ABCF1: variants seen among roughly 807,000 people sequenced by gnomAD.
ABCF1 encodes ATP-binding cassette sub-family F member 1.
ABCF1 carries 73 observed loss-of-function variants against 126.3 expected under a neutral mutation model. That is an observed-to-expected ratio of 0.58 (90% CI 0.48 to 0.70). The LOEUF (loss-of-function observed/expected upper bound fraction) is 0.70. Ranked by LOEUF, ABCF1 falls within the 30% of genes least tolerant of loss-of-function variation. The probability of loss-of-function intolerance (pLI) is 0.00; values close to 1 mark genes in which losing one functional copy is unlikely to be tolerated. For missense variants in ABCF1, 786 were observed against 1,057.5 expected, an observed-to-expected ratio of 0.74 and a Z score of 3.56; for synonymous variants, 345 against 396.4, an observed-to-expected ratio of 0.87 and a Z score of 1.54.
chr6:30,590,485 CCT>C, intron 24 of ABCF1, 48 bp from the exon 25 acceptor site: 1 of 1,584,726 alleles, frequency 6.3e-7, no homozygotes, highest in East Asian at 2.2e-5. Flanking sequence ...TTCTGATTCC[CCT>C]CTTTCTCCTT....
Position 30,590,515 on chromosome 6 carries a change from GT to G in ABCF1, c.2372-18del, listed in dbSNP as rs766476484. ...TTCTCCTTTCTTCCTGCCCTCTGTT[GT>G]TGCTATCTTTCTTCAAAGCTGTGAT... On this transcript the variant is annotated intron_variant, in intron 24 of 24. Coordinates refer to ENST00000326195, the MANE Select transcript of ABCF1 (RefSeq NM_001025091.2). 6.2e-7 allele frequency: 1 copy of G among 1,603,594 alleles called. No individual in the cohort carries two copies. Among genetic ancestry groups the G allele is most frequent in the African/African-American group, 1.3e-5 (1 of 74,658 alleles).
At chr6:30,579,136 C>G (rs1801669731) in intron 6 of ABCF1, among the ~76,000 whole-genome samples, 1 of 152,190 alleles carries the variant, frequency 6.6e-6, no homozygotes, top group Non-Finnish European at 1.5e-5. Context: ...GCGTGTGCAT[C>G]TTAGTCCATG....
rs1341822231 is a variant in ABCF1 at position 30,584,220 on chromosome 6, C to G, written c.1131C>G (p.Val377=). 8.7e-6 allele frequency: 14 copies of G among 1,612,694 alleles called. No homozygotes were observed. The highest frequency in any genetic ancestry group is 1.2e-5 in the Non-Finnish European group (14 of 1,179,976). The change falls in exon 13 of 25, where the codon GTC becomes GTG. Residue 377 remains valine (V), a synonymous_variant. Transcript: ENST00000326195. The surrounding 1 kb of genome is among the most constrained non-coding windows in gnomAD (Gnocchi z 4.6). ...QEVVADETPA[V]QAVLRADTKR... The stretch of plus-strand genomic sequence containing the variant: ...TGGTAGCAGATGAGACACCAGCAGT[C>G]CAGGCTGTTCTTCGAGCTGACACCA...
intron 1 of ABCF1, among the ~76,000 whole-genome samples, chr6:30,572,032 G>A (rs1801279065): frequency 6.6e-6 from 1 of 152,110 alleles, no homozygotes; most frequent in Non-Finnish European, 1.5e-5. Flanking sequence ...TCACTCAACT[G>A]GAGCAAGAGT....
rs1373808926 is a variant in ABCF1, at chr6:30,578,124, G to T, written c.265G>T (p.Asp89Tyr). 1.2e-6 allele frequency: 2 copies of T among 1,614,170 alleles called. No homozygotes were observed. The highest frequency in any genetic ancestry group is 1.7e-6 in the Non-Finnish European group (2 of 1,180,036). Residue 89 changes from aspartate (D) to tyrosine (Y), a missense_variant, in exon 4 of 25, where the codon GAT becomes TAT. Transcript: ENST00000326195. Reference sequence around the variant, plus strand: ...AAAAGGCAGGCGGAAGAAGGATGTGGATGATGATGGAGAAGAGAAAGAGCT... The same window carrying T: ...AAAAGGCAGGCGGAAGAAGGATGTGTATGATGATGGAGAAGAGAAAGAGCT... ...TRKGRRKKDV[D>Y]DDGEEKELME...
chr6:30,590,377 T>G lies in ABCF1; in HGVS notation c.2370T>G (p.Gly790=). 1 of 1,606,994 alleles carries G rather than the reference T, an allele frequency of 6.2e-7. No homozygotes were observed. Among genetic ancestry groups the G allele is most frequent in the Non-Finnish European group, 8.5e-7 (1 of 1,176,528 alleles). The change falls in exon 24 of 25, where the codon GGT becomes GGG. Residue 790 remains glycine, a splice_region_variant and synonymous_variant. Transcript: ENST00000326195. ...ALGEAINEYK[G]AVIVVSHDAR... ...GGGAGGCCATCAATGAATACAAGGG[T>G]GGTAAGTCAGCTGAGAGTGTGCCCT...
chr6:30,571,636 A>G, intron 1 of ABCF1, 76 bp downstream of exon 1: 2 of 1,498,832 alleles, frequency 1.3e-6, no homozygotes, highest in East Asian at 2.4e-5. Flanking sequence ...AGAGAGGGTC[A>G]TGGGGCACGA....
chr6:30,575,599 G>T (rs2127404303), intron 1 of ABCF1, among the ~76,000 whole-genome samples: 1 of 151,924 alleles, frequency 6.6e-6, no homozygotes, highest in Non-Finnish European at 1.5e-5. Context: ...GCTTTACTGG[G>T]AACACAGGCT....
At chr6:30,580,655 G>A in intron 8 of ABCF1, 136 bp downstream of exon 8, 1 of 555,908 alleles carries the variant, frequency 1.8e-6, no homozygotes, top group Non-Finnish European at 3.0e-6. Flanking sequence ...GGAGTAGTTG[G>A]GGTGGTGGTT....
chr6:30,587,715 G>A (rs992640451), intron 20 of ABCF1, among the ~76,000 whole-genome samples: 4 of 151,886 alleles, frequency 2.6e-5, no homozygotes, highest in Non-Finnish European at 5.9e-5. Flanking sequence ...TGGGTATGTT[G>A]GTGCACGACT....
Position 30,586,273 on chromosome 6 carries a change from CA to C in ABCF1, c.1854del (p.Pro619HisfsTer12). On this transcript the variant is annotated frameshift_variant, in exon 18 of 25. Transcript: ENST00000326195. LOFTEE classifies it high-confidence loss of function. This position sits in a 1 kb window ranked among gnomAD's most constrained non-coding sequence, Gnocchi z 4.9. ...YTVRFTFPDP[P>X]PLSPPVLGLH... is the part of the protein sequence containing the mutation. Reference sequence around the variant, plus strand: ...GTGCGCTTCACTTTTCCAGACCCCCCACCACTCAGCCCTCCAGTGCTGGGTC... The same window carrying C: ...GTGCGCTTCACTTTTCCAGACCCCCCCCACTCAGCCCTCCAGTGCTGGGTC... The C allele has an allele frequency of 6.2e-7, 1 of 1,611,994 alleles. No individual in the cohort carries two copies. The highest frequency in any genetic ancestry group is 8.5e-7 in the Non-Finnish European group (1 of 1,178,998).
In ABCF1 at chr6:30,590,188, G is replaced by A; in HGVS notation, c.2273G>A (p.Cys758Tyr). The change falls in exon 23 of 25, where the codon TGT becomes TAT. Residue 758 changes from cysteine to tyrosine, a missense_variant. This residue lies in a region of ABCF1 where 288 missense variants were observed against 423.5 expected (regional missense o/e 0.68). Transcript: ENST00000326195. Reference protein sequence around the residue: ...KARVVFAELACREPDVLILDE... With the variant: ...KARVVFAELAYREPDVLILDE... Reference sequence around the variant, plus strand: ...CGAGTTGTGTTTGCTGAGCTGGCCTGTCGGGAACCTGATGTCCTCATCTTG... The same window carrying A: ...CGAGTTGTGTTTGCTGAGCTGGCCTATCGGGAACCTGATGTCCTCATCTTG... 6.2e-7 allele frequency: 1 copy of A among 1,613,086 alleles called. No individual in the cohort carries two copies.
At position 30,577,444 on chromosome 6, in the gene ABCF1, A is replaced by T. The variant is rs1395530195; in HGVS notation, c.109A>T (p.Ile37Phe). 16 of 1,613,802 alleles carry T rather than the reference A, an allele frequency of 9.9e-6. No individual in the cohort carries two copies. Among genetic ancestry groups the T allele is most frequent in the Non-Finnish European group, 1.4e-5 (16 of 1,179,918 alleles). ...GAAGAAAGGGAAGAAGGACAAGAAG[A>T]TCAAAAAAACGGTGAGAAAATGAGG... The part of the protein sequence containing the change: ...VVKKGKKDKK[I>F]KKTFFEELAV... The change falls in exon 2 of 25, where the codon ATC becomes TTC. Residue 37 changes from isoleucine (I) to phenylalanine (F), a missense_variant. This residue lies in a region of ABCF1 where 322 missense variants were observed against 322.9 expected (regional missense o/e 1.00). Transcript: ENST00000326195.
At chr6:30,573,996 G>A (rs1315943760) in intron 1 of ABCF1, among the ~76,000 whole-genome samples, 1 of 152,188 alleles carries the variant, frequency 6.6e-6, no homozygotes, top group African/African-American at 2.4e-5. Flanking sequence ...CGAAAGGAGA[G>A]AAGACACAGT....
intron 6 of ABCF1, among the ~76,000 whole-genome samples, chr6:30,579,122 T>C (rs1801668803): frequency 6.6e-6 from 1 of 152,190 alleles, no homozygotes. Context: ...CTTGTGACTC[T>C]TCTGCGTGTG....
At position 30,581,370 on chromosome 6, in the gene ABCF1, C is replaced by T. The variant is rs1801806562; in HGVS notation, c.678+851C>T. 3.4e-5 allele frequency among the ~76,000 whole-genome samples: 5 copies of T among 148,476 alleles called. No homozygotes were observed. In the South Asian group the frequency reaches 8.5e-4, roughly 25 times the overall value. On this transcript the variant is annotated intron_variant, in intron 8 of 24. Coordinates refer to ENST00000326195, the MANE Select transcript of ABCF1 (RefSeq NM_001025091.2). ...CTAATTCTGTGATTCTGCTGGATTCCTCTGACTGTGCACTAGAGCTTCCTG... is the reference window on the plus strand; with the variant it reads ...CTAATTCTGTGATTCTGCTGGATTCTTCTGACTGTGCACTAGAGCTTCCTG...
rs775661562 is a variant in ABCF1 at position 30,571,559 on chromosome 6, A to G, written c.72A>G (p.Ser24=). The stretch of plus-strand genomic sequence containing the variant: ...GGGACGGAGAGAGCACGAGCCCATC[A>G]GGTGAGGCTGGTAGGCAAGGAAGAA... ...WIGDGESTSP[S]DKVVKKGKKD... The change falls in exon 1 of 25, where the codon TCA becomes TCG. Residue 24 remains serine (S), a splice_region_variant and synonymous_variant. Coordinates refer to ENST00000326195, the MANE Select transcript of ABCF1 (RefSeq NM_001025091.2). 1.2e-6 allele frequency: 2 copies of G among 1,609,506 alleles called. No individual in the cohort carries two copies. Among genetic ancestry groups the G allele is most frequent in the Non-Finnish European group, 1.7e-6 (2 of 1,179,246 alleles).
At chr6:30,585,474 C>T (rs2127414839) in intron 15 of ABCF1, 84 bp from the exon 16 acceptor site, 1 of 1,595,810 alleles carries the variant, frequency 6.3e-7, no homozygotes, top group Non-Finnish European at 8.6e-7. Context: ...CCTTTCCCTC[C>T]CAGCCCCCGT....
At chr6:30,585,199 G>C in intron 14 of ABCF1, 61 bp from the exon 15 acceptor site, 1 of 1,451,246 alleles carries the variant, frequency 6.9e-7, no homozygotes, top group Non-Finnish European at 9.7e-7. Context: ...AGTTTTCTCT[G>C]GGGTTGTCTG....
Sources: gnomAD v4.1 joint callset for allele counts (sites outside exome capture counted in the v4.1 genomes callset) on GRCh38, gnomAD v4.1.1 for gene constraint, gnomAD v4.1.1 regional missense constraint, Gnocchi (gnomAD v3.1) non-coding constraint, MANE v1.5 for transcripts, NCBI Gene and HGNC (gene_info 2026-07-23, HGNC 2026-07-21) for gene names.